Variants in DIDO1 observed in about 807,000 individuals in gnomAD.
DIDO1 encodes death-inducer obliterator 1.
In DIDO1, 16 loss-of-function variants were observed where a neutral mutation model predicts 99.4. The ratio of observed to expected loss-of-function variants is 0.16; its 90% CI spans 0.11 to 0.24. The LOEUF (loss-of-function observed/expected upper bound fraction) is 0.24. Ranked by LOEUF, DIDO1 falls within the 10% of genes least tolerant of loss-of-function variation. The probability of loss-of-function intolerance (pLI) is 1.00; values close to 1 mark genes in which losing one functional copy is unlikely to be tolerated. For missense variants in DIDO1, 2,996 were observed against 3,014.0 expected (o/e 0.99, Z 0.14); for synonymous variants, 1,366 against 1,239.1 (o/e 1.10, Z -2.15).
chr20:62,930,672 ATTG>A (rs1282897160), upstream of DIDO1, among the ~76,000 whole-genome samples: 1 of 152,208 alleles, frequency 6.6e-6, no homozygotes, highest in Non-Finnish European at 1.5e-5. Context: ...TACAAACTGA[ATTG>A]TTGTAATTAG....
At chr20:62,887,803 G>C (rs1021548128) in intron 15 of DIDO1, 2 of 985,494 alleles carry the variant, frequency 2.0e-6, no homozygotes, top group Non-Finnish European at 2.4e-6. Context: ...GGCCCTGTTG[G>C]TAAAGCTGGA....
chr20:62,912,429 C>G (rs1029271736), intron 2 of DIDO1, among the ~76,000 whole-genome samples: 1 of 143,484 alleles, frequency 7.0e-6, no homozygotes, highest in Non-Finnish European at 1.5e-5. Flanking sequence ...AGGTATATTT[C>G]TTTTTTTTTT....
chr20:62,937,822 C>A, exon 1 of DIDO1: 1 of 398,490 alleles, frequency 2.5e-6, no homozygotes, highest in Non-Finnish European at 4.4e-6. Context: ...GTGTAGACGT[C>A]GCCATCCCGG....
rs1417777211 is a variant in DIDO1, at chr20:62,877,926, TAAACAAACAA to T, written c.*1297_*1306del. On this transcript the variant is annotated 3_prime_UTR_variant, in exon 16 of 16. Coordinates refer to ENST00000395343, the MANE Select transcript of DIDO1 (RefSeq NM_001193369.2). ...AATTAGAAAAATTTGCTTTATATGT[TAAACAAACAA>T]AACCTTCTCATCGTACTAGATGTTG... 1.3e-5 allele frequency: 2 copies of T among 152,246 alleles called. No homozygotes were observed. The highest frequency in any genetic ancestry group is 1.5e-5 in the Non-Finnish European group (1 of 68,048). The allele number at this position is 152,246 out of a possible 1,614,324, so 9.4% of individuals were successfully genotyped here.
rs1340070718 is a variant in DIDO1 at position 62,879,588 on chromosome 20, C to T, written c.6368G>A (p.Trp2123Ter). The change falls in exon 16 of 16, where the codon TGG (tryptophan) becomes TAG (stop). Residue 2123 changes from tryptophan (W) to a stop codon, truncating the protein, a stop_gained. Transcript: ENST00000395343. LOFTEE classifies it low-confidence loss of function (END_TRUNC). This position sits in a 1 kb window ranked among gnomAD's most constrained non-coding sequence, Gnocchi z 6.3. Reference protein sequence around the residue: ...RRRERERGRNWSRERDWDRPR... With the variant: ...RRRERERGRN ...CCGGTCCCAGTCCCGCTCTCGGCTC[C>T]AGTTTCGGCCGCGCTCGCGCTCTCT... The T allele has an allele frequency of 6.2e-7, 1 of 1,602,974 alleles. No homozygotes were observed. Among genetic ancestry groups the T allele is most frequent in the Admixed American group, 1.7e-5 (1 of 60,000 alleles).
chr20:62,927,008 G>A (rs1292843956), upstream of DIDO1, among the ~76,000 whole-genome samples: 1 of 152,226 alleles, frequency 6.6e-6, no homozygotes, highest in Non-Finnish European at 1.5e-5. Flanking sequence ...GGGAATGGCA[G>A]CGAGGGGCGA....
intron 6 of DIDO1, among the ~76,000 whole-genome samples, chr20:62,897,779 C>T (rs1329912559): frequency 6.6e-6 from 1 of 152,240 alleles, no homozygotes. Context: ...GTGAGATCGT[C>T]AGAGCCCAAA....
At chr20:62,929,693 G>GCATATA (rs1555853760), upstream of DIDO1, among the ~76,000 whole-genome samples, 2 of 97,968 alleles carry the variant, frequency 2.0e-5, no homozygotes, top group African/African-American at 5.3e-5. Flanking sequence ...AAAAGAAAAA[G>GCATATA]TGTATATATA....
Position 62,879,222 on chromosome 20 carries a change from G to T in DIDO1, c.*11C>A. 1 of 1,483,836 alleles carries T rather than the reference G, an allele frequency of 6.7e-7. No individual in the cohort carries two copies. The highest frequency in any genetic ancestry group is 8.9e-7 in the Non-Finnish European group (1 of 1,122,758). 91.9% of individuals were successfully genotyped at this position (1,483,836 alleles called of 1,614,324 possible). ...GTGGCTTTAAAAAGGGTCTCTGCCC[G>T]GCCGGGGCGTCTAGGCCTGCGAGGC... On this transcript the variant is annotated 3_prime_UTR_variant, in exon 16 of 16. Transcript: ENST00000395343. This position sits in a 1 kb window ranked among gnomAD's most constrained non-coding sequence, Gnocchi z 6.3.
intron 6 of DIDO1, among the ~76,000 whole-genome samples, chr20:62,902,982 C>A (rs2064717060): frequency 6.6e-6 from 1 of 152,024 alleles, no homozygotes; most frequent in Non-Finnish European, 1.5e-5. Context: ...TCAGGTACAT[C>A]TCAGAAAAAC....
intron 6 of DIDO1, among the ~76,000 whole-genome samples, chr20:62,899,630 T>C (rs1223699436): frequency 6.6e-6 from 1 of 152,210 alleles, no homozygotes; most frequent in African/African-American, 2.4e-5. Context: ...AAGCAGGAAA[T>C]AGCTTTCCTT....
At chr20:62,909,542 TAGAA>T (rs1334424975) in intron 4 of DIDO1, among the ~76,000 whole-genome samples, 153 bp downstream of exon 4, 3 of 152,190 alleles carry the variant, frequency 2.0e-5, no homozygotes, top group African/African-American at 4.8e-5. Flanking sequence ...AGAATAAAAA[TAGAA>T]AGGCCTCACC....
chr20:62,905,439 G>A (rs75294545), intron 6 of DIDO1: 8 of 1,514,162 alleles, frequency 5.3e-6, no homozygotes, highest in Admixed American at 2.2e-5. Context: ...TAAAAAAGAA[G>A]TGATGCTTTC....
chr20:62,892,771 A>G, intron 13 of DIDO1, 38 bp downstream of exon 13: 1 of 1,577,988 alleles, frequency 6.3e-7, no homozygotes, highest in Non-Finnish European at 8.6e-7. Context: ...ACTCCTATGA[A>G]AGACACACAC....
In DIDO1 at chr20:62,882,316, T is replaced by G; in HGVS notation, c.3640A>C (p.Lys1214Gln). 1 of 1,614,034 alleles carries G rather than the reference T, an allele frequency of 6.2e-7. No individual in the cohort carries two copies. The highest frequency in any genetic ancestry group is 8.5e-7 in the Non-Finnish European group (1 of 1,180,024). The change falls in exon 16 of 16, where the codon AAG becomes CAG. Residue 1214 changes from lysine (K) to glutamine (Q), a missense_variant. By Grantham distance (53) the Lys-to-Gln change is moderately conservative (BLOSUM62 1). Coordinates refer to ENST00000395343, the MANE Select transcript of DIDO1 (RefSeq NM_001193369.2). ...NSGELDKMDE[K>Q]RTRLQPEEAD... ...TCTTCCGGTTGAAGTCGGGTCCGCT[T>G]TTCGTCCATCTTGTCTAACTCTCCA...
In DIDO1 at chr20:62,879,627, G is replaced by A. The variant is rs761860642; in HGVS notation, c.6329C>T (p.Ser2110Phe). ...LEEPDAQGRA[S>F]EDRRRERERG... ...CTCGCGCTCTCTCCTCCTGTCCTCG[G>A]ACGCCCGGCCCTGGGCGTCGGGCTC... The change falls in exon 16 of 16, where the codon TCC becomes TTC. Residue 2110 changes from serine to phenylalanine, a missense_variant. This residue lies in a region of DIDO1 where 1,562 missense variants were observed against 1,412.6 expected (regional missense o/e 1.11). Transcript: ENST00000395343. The surrounding 1 kb of genome is among the most constrained non-coding windows in gnomAD (Gnocchi z 6.3). 1 of 1,605,550 alleles carries A rather than the reference G, an allele frequency of 6.2e-7. No homozygotes were observed. Among genetic ancestry groups the A allele is most frequent in the South Asian group, 1.1e-5 (1 of 91,078 alleles).
chr20:62,880,833 G>C lies in DIDO1; in HGVS notation c.5123C>G (p.Ser1708Cys), dbSNP rs41282984. 0.074 allele frequency: 119,737 copies of C among 1,612,828 alleles called. 4,869 individuals carry two copies. The highest frequency in any genetic ancestry group is 0.11 in the African/African-American group (7,885 of 75,064). Residue 1708 changes from serine to cysteine, a missense_variant, in exon 16 of 16, where the codon TCT becomes TGT. Ser to Cys is a moderately radical substitution (Grantham distance 112). Transcript: ENST00000395343. ...TGCAGGGCTGCTGCTCCTTCCAGCA[G>C]AATGAAGATTTCTTGGGTCCTCATA... ...AQYEDPRNLH[S>C]AGRSSSPAGE...
chr20:62,915,708 G>T (rs1053423985), intron 1 of DIDO1, among the ~76,000 whole-genome samples: 3 of 152,098 alleles, frequency 2.0e-5, no homozygotes, highest in African/African-American at 4.8e-5. Flanking sequence ...ATCCAGGCTG[G>T]TCTTGAACTG....
intron 6 of DIDO1, among the ~76,000 whole-genome samples, chr20:62,904,818 T>G (rs575926478): frequency 3.8e-5 from 5 of 132,938 alleles, no homozygotes; most frequent in African/African-American, 1.0e-4. Flanking sequence ...GTGTCTTTTT[T>G]GTAAGGCACA....
Sources: gnomAD v4.1 joint callset for allele counts (sites outside exome capture counted in the v4.1 genomes callset) on GRCh38, gnomAD v4.1.1 for gene constraint, gnomAD v4.1.1 regional missense constraint, Gnocchi (gnomAD v3.1) non-coding constraint, MANE v1.5 for transcripts, NCBI Gene and HGNC (gene_info 2026-07-23, HGNC 2026-07-21) for gene names.